FER: variants seen among roughly 807,000 people sequenced by gnomAD.
FER encodes the protein tyrosine-protein kinase Fer.
In FER, 63 loss-of-function variants were observed where a neutral mutation model predicts 111.0. The ratio of observed to expected loss-of-function variants is 0.57; its 90% confidence interval spans 0.46 to 0.70. The LOEUF (loss-of-function observed/expected upper bound fraction) is 0.70, where lower values mean the gene tolerates loss of function less well. Ranked by LOEUF, FER falls within the 30% of genes least tolerant of loss-of-function variation. The pLI is 0.00. For missense variants in FER, 914 were observed against 954.0 expected, an observed-to-expected ratio of 0.96 and a Z score of 0.55; for synonymous variants, 327 against 313.9, an observed-to-expected ratio of 1.04 and a Z score of -0.44.
At chr5:109,128,385 T>G (rs1751984225) in intron 17 of FER, among the ~76,000 whole-genome samples, 1 of 152,200 alleles carries the variant, frequency 6.6e-6, no homozygotes, top group Admixed American at 6.5e-5. Context: ...TTTGGGAACC[T>G]AAAATAAGTC....
intron 13 of FER, among the ~76,000 whole-genome samples, chr5:109,015,425 G>A (rs983588540): frequency 2.6e-5 from 4 of 151,930 alleles, no homozygotes; most frequent in African/African-American, 9.7e-5. Context: ...AGTAGTTGGA[G>A]GGAGCATATA....
chr5:109,053,110 G>A (rs1372184376), intron 16 of FER, among the ~76,000 whole-genome samples: 2 of 152,030 alleles, frequency 1.3e-5, no homozygotes, highest in African/African-American at 4.8e-5. Context: ...GAGGCGGCCG[G>A]GAACAGTGGC....
At chr5:108,980,477 ATTC>A (rs1180118762) in intron 13 of FER, among the ~76,000 whole-genome samples, 2 of 152,102 alleles carry the variant, frequency 1.3e-5, no homozygotes, top group African/African-American at 4.8e-5. Flanking sequence ...AATTGTTTTG[ATTC>A]TTCTTTCTAA....
At chr5:109,071,096 A>G (rs185774472) in intron 16 of FER, among the ~76,000 whole-genome samples, 2 of 152,156 alleles carry the variant, frequency 1.3e-5, no homozygotes, top group Non-Finnish European at 2.9e-5. Flanking sequence ...ACATTTCTTA[A>G]GCGAAACATT....
chr5:109,089,130 G>A (rs985375274), intron 16 of FER, among the ~76,000 whole-genome samples: 3 of 152,194 alleles, frequency 2.0e-5, no homozygotes, highest in African/African-American at 7.2e-5. Context: ...GCTGTGTATA[G>A]GGTGGGTGGC....
chr5:109,144,169 C>T (rs550182956), intron 17 of FER, among the ~76,000 whole-genome samples: 1 of 152,204 alleles, frequency 6.6e-6, no homozygotes, highest in East Asian at 1.9e-4. Context: ...ATCCCGACTT[C>T]CCTGCTCATT....
intron 2 of FER, among the ~76,000 whole-genome samples, chr5:108,783,898 G>A (rs1432310365): frequency 6.6e-6 from 1 of 152,154 alleles, no homozygotes; most frequent in African/African-American, 2.4e-5. Context: ...AGAACAAGAG[G>A]CTTCCTGAGA....
At chr5:108,997,500 T>G (rs1474830749) in intron 13 of FER, among the ~76,000 whole-genome samples, 1 of 151,776 alleles carries the variant, frequency 6.6e-6, no homozygotes, top group African/African-American at 2.4e-5. Flanking sequence ...GTAGAGAAAA[T>G]TTGACTTTCT....
At chr5:109,062,022 T>TTTGCTTGC (rs112245118) in intron 16 of FER, among the ~76,000 whole-genome samples, 20,204 of 150,582 alleles carry the variant, frequency 0.13, 1,474 homozygotes, top group African/African-American at 0.19. Flanking sequence ...TTATGAATAC[T>TTTGCTTGC]TTGCTTGCTT....
intron 17 of FER, among the ~76,000 whole-genome samples, chr5:109,172,547 C>A (rs376187121): frequency 6.8e-6 from 1 of 148,026 alleles, no homozygotes; most frequent in African/African-American, 2.5e-5. Context: ...TGACGAGTTA[C>A]TGGGTGCAGC....
At chr5:109,178,189 G>T (rs1221313216) in intron 17 of FER, among the ~76,000 whole-genome samples, 1 of 152,114 alleles carries the variant, frequency 6.6e-6, no homozygotes, top group East Asian at 1.9e-4. Flanking sequence ...ATGGCCTAAA[G>T]GCCTAAGGTT....
At chr5:109,095,645 C>A (rs1423097439) in intron 16 of FER, among the ~76,000 whole-genome samples, 1 of 152,078 alleles carries the variant, frequency 6.6e-6, no homozygotes, top group Non-Finnish European at 1.5e-5. Context: ...CATCAGCATT[C>A]ATTGTCGTTT....
rs1765891265 is a variant in FER at position 108,883,609 on chromosome 5, TC to T, written c.1046+92del. 8 of 1,131,060 alleles carry T rather than the reference TC, an allele frequency of 7.1e-6. No individual in the cohort carries two copies. In the East Asian group the frequency reaches 1.9e-4, roughly 27 times the overall value. 70.1% of individuals were successfully genotyped at this position (1,131,060 alleles called of 1,614,324 possible). A position where few individuals can be genotyped will look rare whatever the true frequency, so the allele number is the denominator to read the frequency against. On this transcript the variant is annotated intron_variant, in intron 9 of 19. Transcript: ENST00000281092. The stretch of plus-strand genomic sequence containing the variant: ...TACATGGCAGTGTGAACCTAACATT[TC>T]TAGAAACAGAAACTTTTATTTTAAG...
At chr5:109,100,119 G>T (rs1189871005) in intron 16 of FER, among the ~76,000 whole-genome samples, 1 of 151,694 alleles carries the variant, frequency 6.6e-6, no homozygotes, top group Admixed American at 6.6e-5. Flanking sequence ...AAAGGAAAAA[G>T]TATGATTTTT....
chr5:109,071,709 A>G (rs1212632611), intron 16 of FER, among the ~76,000 whole-genome samples: 1 of 151,962 alleles, frequency 6.6e-6, no homozygotes, highest in Non-Finnish European at 1.5e-5. Context: ...AGAAGAGGAC[A>G]CGGGGAATTT....
chr5:109,000,388 A>G (rs971941289), intron 13 of FER, among the ~76,000 whole-genome samples: 14 of 152,230 alleles, frequency 9.2e-5, no homozygotes, highest in South Asian at 4.1e-4. Flanking sequence ...CAATTCATGA[A>G]GCAAAACAAA....
chr5:108,843,506 C>T (rs979284609), intron 5 of FER, among the ~76,000 whole-genome samples: 4 of 151,746 alleles, frequency 2.6e-5, no homozygotes, highest in Non-Finnish European at 4.4e-5. Context: ...GTGGACCCTA[C>T]CTTCAAGCCA....
intron 16 of FER, among the ~76,000 whole-genome samples, chr5:109,068,241 C>T (rs1012621705): frequency 2.8e-5 from 4 of 144,844 alleles, no homozygotes; most frequent in South Asian, 2.2e-4. Flanking sequence ...TGGAGTGTAG[C>T]GGCACAGAGT....
At chr5:109,010,419 A>C (rs1581635776) in intron 13 of FER, among the ~76,000 whole-genome samples, 1 of 152,122 alleles carries the variant, frequency 6.6e-6, no homozygotes, top group Non-Finnish European at 1.5e-5. Flanking sequence ...GGCCTCTCAA[A>C]GCATTGGAAT....
Sources: gnomAD v4.1 joint callset for allele counts (sites outside exome capture counted in the v4.1 genomes callset) on GRCh38, gnomAD v4.1.1 for gene constraint, MANE v1.5 for transcripts, NCBI Gene and HGNC (gene_info 2026-07-23, HGNC 2026-07-21) for gene names.